UPRT: variants seen among roughly 807,000 people sequenced by gnomAD.
UPRT encodes RP11-311P8.3.
A neutral mutation model predicts 22.6 loss-of-function variants in UPRT; 5 were observed. The ratio of observed to expected loss-of-function variants is 0.22; its 90% CI spans 0.12 to 0.47. UPRT has a LOEUF of 0.47. Ranked by LOEUF, UPRT falls within the 20% of genes least tolerant of loss-of-function variation. The pLI is 0.99. For missense variants in UPRT, 181 were observed against 239.9 expected, an observed-to-expected ratio of 0.75 and a Z score of 1.62; for synonymous variants, 77 against 87.7, an observed-to-expected ratio of 0.88 and a Z score of 0.68.
At chrX:75,286,312 G>GGC (rs1230517146) in intron 1 of UPRT, among the ~76,000 whole-genome samples, 48 of 84,118 alleles carry the variant, frequency 5.7e-4, no homozygotes, top group Non-Finnish European at 7.6e-4. Context: ...TACTTGGGGG[G>GGC]GGGGTGGGTC....
At chrX:75,208,403 G>A (rs1465998411) in intron 4 of UPRT, among the ~76,000 whole-genome samples, 1 of 111,920 alleles carries the variant, frequency 8.9e-6, no homozygotes, top group African/African-American at 3.2e-5. Context: ...CAGAACCCCT[G>A]TGGAAGTACA....
At chrX:75,184,817 T>G (rs757368499) in intron 4 of UPRT, among the ~76,000 whole-genome samples, 2 of 111,723 alleles carry the variant, frequency 1.8e-5, no homozygotes, top group Non-Finnish European at 3.8e-5. Context: ...ATGATTTGGC[T>G]CTCTGTCTGT....
chrX:75,254,680 A>G (rs780064187), intron 4 of UPRT, among the ~76,000 whole-genome samples: 35 of 111,003 alleles, frequency 3.2e-4, no homozygotes, highest in Non-Finnish European at 6.2e-4. Context: ...CACAAAGAAC[A>G]TCTGGGAAAT....
chrX:75,222,195 C>T (rs759885257), intron 4 of UPRT, among the ~76,000 whole-genome samples: 24 of 112,062 alleles, frequency 2.1e-4, no homozygotes, highest in African/African-American at 7.4e-4. Flanking sequence ...GAGTCTCTCC[C>T]CCTGTGCTAA....
chrX:75,177,992 A>AGAT (rs1206375957), intron 4 of UPRT, among the ~76,000 whole-genome samples: 1 of 112,514 alleles, frequency 8.9e-6, no homozygotes, highest in African/African-American at 3.2e-5. Flanking sequence ...TAGATAGGAT[A>AGAT]GATGGGCGAG....
intron 4 of UPRT, among the ~76,000 whole-genome samples, chrX:75,195,517 C>T (rs188655790): frequency 1.9e-3 from 211 of 112,201 alleles, no homozygotes; most frequent in Middle Eastern, 4.6e-3. Context: ...CAGAGCTCTG[C>T]ACCAGCCAGA....
At chrX:75,204,700 A>G (rs1225676623) in intron 4 of UPRT, among the ~76,000 whole-genome samples, 1 of 111,892 alleles carries the variant, frequency 8.9e-6, no homozygotes, top group Non-Finnish European at 1.9e-5. Context: ...GCAGAAGGAT[A>G]TAGGTTGCAG....
intron 2 of UPRT, among the ~76,000 whole-genome samples, chrX:75,295,736 T>A: frequency 8.9e-6 from 1 of 111,917 alleles, no homozygotes; most frequent in Non-Finnish European, 1.9e-5. Flanking sequence ...GCTCTTGTAG[T>A]AGTTCTGAGT....
intron 4 of UPRT, among the ~76,000 whole-genome samples, chrX:75,170,510 T>C (rs1217274561): frequency 8.9e-6 from 1 of 112,240 alleles, no homozygotes; most frequent in Non-Finnish European, 1.9e-5. Context: ...GATACTTGGT[T>C]GGTTAATTCT....
chrX:75,286,215 A>T (rs2147694342), intron 1 of UPRT, among the ~76,000 whole-genome samples: 1 of 108,399 alleles, frequency 9.2e-6, no homozygotes, highest in East Asian at 2.9e-4. Context: ...CAGGATGCTC[A>T]GTTAAATCTG....
chrX:75,237,673 T>A (rs2082472660), intron 4 of UPRT, among the ~76,000 whole-genome samples: 1 of 108,505 alleles, frequency 9.2e-6, no homozygotes, highest in Non-Finnish European at 1.9e-5. Flanking sequence ...TTGGAAATCA[T>A]CCTTCTCAGT....
intron 4 of UPRT, among the ~76,000 whole-genome samples, chrX:75,259,847 G>A (rs961225680): frequency 9.0e-6 from 1 of 111,566 alleles, no homozygotes; most frequent in Admixed American, 9.6e-5. Context: ...GTTAAGGGCA[G>A]CCAGAGAGAA....
At chrX:75,237,037 T>G (rs1488382403) in intron 4 of UPRT, among the ~76,000 whole-genome samples, 1 of 111,814 alleles carries the variant, frequency 8.9e-6, no homozygotes, top group Non-Finnish European at 1.9e-5. Context: ...GAAAATTTTC[T>G]CAACCTACTC....
intron 4 of UPRT, among the ~76,000 whole-genome samples, chrX:75,238,230 A>T (rs927391752): frequency 9.0e-6 from 1 of 111,357 alleles, no homozygotes; most frequent in Admixed American, 9.6e-5. Context: ...GCTGTCTTCA[A>T]CAGACTCACC....
At chrX:75,266,035 A>C (rs1484361912) in intron 4 of UPRT, among the ~76,000 whole-genome samples, 1 of 111,558 alleles carries the variant, frequency 9.0e-6, no homozygotes, top group South Asian at 3.7e-4. Context: ...TAGAGATTCA[A>C]TGCCATCCCC....
chrX:75,247,517 G>T (rs1569273588), intron 4 of UPRT, among the ~76,000 whole-genome samples: 1 of 111,836 alleles, frequency 8.9e-6, no homozygotes, highest in Non-Finnish European at 1.9e-5. Context: ...CTGCAAAGCG[G>T]CAGTGAGGCT....
At chrX:75,250,367 A>G (rs1418388050) in intron 4 of UPRT, among the ~76,000 whole-genome samples, 1 of 110,530 alleles carries the variant, frequency 9.0e-6, no homozygotes, top group Non-Finnish European at 1.9e-5. Flanking sequence ...AATAAAAAGT[A>G]ATAAAGGGGA....
At position 75,274,114 on chromosome X, in the gene UPRT, C is replaced by T; in HGVS notation, c.-141C>T. On this transcript the variant is annotated 5_prime_UTR_variant, in exon 1 of 7. Coordinates refer to ENST00000373383, the MANE Select transcript of UPRT (RefSeq NM_145052.4). ...TGTGCTAAAGGAAACCAACAGCGGCCTAGGGGTGAAAGGACAGCCAGGGTT... is the reference window on the plus strand; with the variant it reads ...TGTGCTAAAGGAAACCAACAGCGGCTTAGGGGTGAAAGGACAGCCAGGGTT... 4 of 945,566 alleles carry T rather than the reference C, an allele frequency of 4.2e-6. No homozygotes were observed. The highest frequency in any genetic ancestry group is 5.7e-6 in the Non-Finnish European group (4 of 704,610). 77.9% of individuals were successfully genotyped at this position (945,566 alleles called of 1,213,427 possible). A position where few individuals can be genotyped will look rare whatever the true frequency, so the allele number is the denominator to read the frequency against.
rs1194806956 is a variant in UPRT, at chrX:75,303,708, T to C, written c.*197T>C. The C allele has an allele frequency of 3.3e-6, 1 of 304,379 alleles. No homozygotes were observed. Among genetic ancestry groups the C allele is most frequent in the African/African-American group, 2.8e-5 (1 of 35,672 alleles). The allele number at this position is 304,379 out of a possible 1,213,427, so 25.1% of individuals were successfully genotyped here. A position where few individuals can be genotyped will look rare whatever the true frequency, so the allele number is the denominator to read the frequency against. The stretch of plus-strand genomic sequence containing the variant: ...GCACCGAATTCAACAATGAAGTATA[T>C]GCAACTCTTACAAAACATAAATTTT... On this transcript the variant is annotated 3_prime_UTR_variant, in exon 7 of 7. Transcript: ENST00000373383.
Sources: gnomAD v4.1 joint callset for allele counts (sites outside exome capture counted in the v4.1 genomes callset) on GRCh38, gnomAD v4.1.1 for gene constraint, MANE v1.5 for transcripts, NCBI Gene and HGNC (gene_info 2026-07-23, HGNC 2026-07-21) for gene names.